Variants in GALR3 observed in about 807,000 individuals in gnomAD.
The protein encoded by GALR3 is galanin receptor 3.
In GALR3, 5 loss-of-function variants were observed where a neutral mutation model predicts 6.9. The ratio of observed to expected loss-of-function variants is 0.72; its 90% CI spans 0.38 to 1.52. The LOEUF is 1.52. Among genes scored for constraint, GALR3 ranks in the 40% most tolerant of loss-of-function variants. The probability of loss-of-function intolerance (pLI) is 0.03; values close to 1 mark genes in which losing one functional copy is unlikely to be tolerated. For synonymous variants in GALR3, 308 were observed against 263.6 expected, an observed-to-expected ratio of 1.17 and a Z score of -1.63; for missense variants, 570 against 545.6, an observed-to-expected ratio of 1.04 and a Z score of -0.44.
chr22:37,823,712 C>G lies in GALR3; in HGVS notation c.306C>G (p.Ile102Met), dbSNP rs959564437. 3.1e-6 allele frequency: 5 copies of G among 1,613,408 alleles called. No homozygotes were observed. In the African/African-American group the frequency reaches 4.0e-5, roughly 13 times the overall value. Residue 102 changes from isoleucine (I) to methionine (M), a missense_variant, in exon 1 of 2, where the codon ATC becomes ATG. Ile to Met is a conservative substitution (Grantham distance 10). Transcript: ENST00000249041. ...TCTGCAAGGCCGTGCACCTGCTCAT[C>G]TACCTCACCATGTACGCCAGCAGCT... Reference protein sequence around the residue: ...ALVCKAVHLLIYLTMYASSFT... With the variant: ...ALVCKAVHLLMYLTMYASSFT...
At position 37,824,758 on chromosome 22, in the gene GALR3, C is replaced by A; in HGVS notation, c.395C>A (p.Ala132Asp). Reference sequence around the variant, plus strand: ...GTGCGGCACCCGCTGCGCTCGCGCGCCCTGCGCACGCCGCGTAACGCCCGC... The same window carrying A: ...GTGCGGCACCCGCTGCGCTCGCGCGACCTGCGCACGCCGCGTAACGCCCGC... Reference protein sequence around the residue: ...LAVRHPLRSRALRTPRNARAA... With the variant: ...LAVRHPLRSRDLRTPRNARAA... The change falls in exon 2 of 2, where the codon GCC (alanine) becomes GAC (aspartate). Residue 132 changes from alanine to aspartate, a missense_variant. Ala to Asp is a moderately radical substitution (Grantham distance 126). Transcript: ENST00000249041. 1 of 1,263,308 alleles carries A rather than the reference C, an allele frequency of 7.9e-7. No homozygotes were observed. The highest frequency in any genetic ancestry group is 9.9e-7 in the Non-Finnish European group (1 of 1,006,852). 78.3% of individuals were successfully genotyped at this position (1,263,308 alleles called of 1,614,324 possible).
Position 37,825,388 on chromosome 22 carries a change from G to T in GALR3, c.1025G>T (p.Arg342Met). 7.2e-7 allele frequency: 1 copy of T among 1,388,618 alleles called. No individual in the cohort carries two copies. Among genetic ancestry groups the T allele is most frequent in the Admixed American group, 2.7e-5 (1 of 36,408 alleles). 86.0% of individuals were successfully genotyped at this position (1,388,618 alleles called of 1,614,324 possible). A position where few individuals can be genotyped will look rare whatever the true frequency, so the allele number is the denominator to read the frequency against. ...CCCGGAGACGCCCGGCCTAGCGGGA[G>T]GCTGCTGGCTGGTGGCGGCCAGGGC... is the stretch of plus-strand genomic sequence containing the variant. Reference protein sequence around the residue: ...GCPGDARPSGRLLAGGGQGPE... With the variant: ...GCPGDARPSGMLLAGGGQGPE... Residue 342 changes from arginine to methionine, a missense_variant, in exon 2 of 2, where the codon AGG becomes ATG. By Grantham distance (91) the Arg-to-Met change is moderately conservative. Coordinates refer to ENST00000249041, the MANE Select transcript of GALR3 (RefSeq NM_003614.2).
chr22:37,825,473 C>A lies in GALR3; in HGVS notation c.*3C>A. 7.5e-7 allele frequency: 1 copy of A among 1,326,278 alleles called. No homozygotes were observed. Among genetic ancestry groups the A allele is most frequent in the South Asian group, 1.9e-5 (1 of 52,416 alleles). 82.2% of individuals were successfully genotyped at this position (1,326,278 alleles called of 1,614,324 possible). ...AGGCTGCCCGAGGACCGGAATAAAC[C>A]CTGCCGCCTGGACTCCGCCTGTGTC... is the stretch of plus-strand genomic sequence containing the variant. On this transcript the variant is annotated 3_prime_UTR_variant, in exon 2 of 2. Coordinates refer to ENST00000249041, the MANE Select transcript of GALR3 (RefSeq NM_003614.2).
rs1411387515 is a variant in GALR3 at position 37,824,801 on chromosome 22, G to A, written c.438G>A (p.Val146=). The A allele has an allele frequency of 7.3e-7, 1 of 1,372,428 alleles. No individual in the cohort carries two copies. The highest frequency in any genetic ancestry group is 9.5e-7 in the Non-Finnish European group (1 of 1,057,968). The allele number at this position is 1,372,428 out of a possible 1,614,324, so 85.0% of individuals were successfully genotyped here. A position where few individuals can be genotyped will look rare whatever the true frequency, so the allele number is the denominator to read the frequency against. Residue 146 remains valine (V), a synonymous_variant, in exon 2 of 2, where the codon GTG becomes GTA. Transcript: ENST00000249041. ...PRNARAAVGL[V]WLLAALFSAP... ...ACGCCCGCGCCGCAGTGGGGCTGGT[G>A]TGGCTGCTGGCGGCGCTCTTCTCGG...
chr22:37,823,533 C>G lies in GALR3; in HGVS notation c.127C>G (p.Leu43Val). 6.2e-7 allele frequency: 1 copy of G among 1,611,412 alleles called. No individual in the cohort carries two copies. Among genetic ancestry groups the G allele is most frequent in the Non-Finnish European group, 8.5e-7 (1 of 1,178,532 alleles). ...CAATGGGCTGGTGCTGGCAGTGCTC[C>G]TGCAGCCTGGCCCGAGTGCCTGGCA... is the stretch of plus-strand genomic sequence containing the variant. ...VGNGLVLAVLLQPGPSAWQEP... is the reference protein window; with the variant it reads ...VGNGLVLAVLVQPGPSAWQEP... The change falls in exon 1 of 2, where the codon CTG becomes GTG. Residue 43 changes from leucine (L) to valine (V), a missense_variant. By Grantham distance (32) the Leu-to-Val change is conservative. Coordinates refer to ENST00000249041, the MANE Select transcript of GALR3 (RefSeq NM_003614.2).
Position 37,825,161 on chromosome 22 carries a change from C to A in GALR3, c.798C>A (p.Ser266Arg). The change falls in exon 2 of 2, where the codon AGC becomes AGA. Residue 266 changes from serine to arginine, a missense_variant. Coordinates refer to ENST00000249041, the MANE Select transcript of GALR3 (RefSeq NM_003614.2). ...LCFWYGRFAF[S>R]PATYACRLAS... ...TCTGGTACGGCCGCTTCGCCTTCAG[C>A]CCGGCCACCTACGCCTGCCGCCTGG... is the stretch of plus-strand genomic sequence containing the variant. The A allele has an allele frequency of 6.7e-7, 1 of 1,487,576 alleles. No homozygotes were observed. Among genetic ancestry groups the A allele is most frequent in the South Asian group, 1.2e-5 (1 of 82,756 alleles). 92.1% of individuals were successfully genotyped at this position (1,487,576 alleles called of 1,614,324 possible). A position where few individuals can be genotyped will look rare whatever the true frequency, so the allele number is the denominator to read the frequency against.
At position 37,823,773 on chromosome 22, in the gene GALR3, G is replaced by GT. The variant is rs1569087575; in HGVS notation, c.359+9dup. On this transcript the variant is annotated intron_variant, in intron 1 of 1. Transcript: ENST00000249041. ...TGCTGTCTCCGTGGACAGGTGCGCT[G>GT]TGCCTGGGGCCTGGCTGGGCAGGGC... 1 of 1,551,896 alleles carries GT rather than the reference G, an allele frequency of 6.4e-7. No homozygotes were observed. The highest frequency in any genetic ancestry group is 1.4e-5 in the African/African-American group (1 of 73,750).
chr22:37,823,449 G>T lies in GALR3; in HGVS notation c.43G>T (p.Val15Leu), dbSNP rs1182651127. The T allele has an allele frequency of 1.2e-6, 2 of 1,610,790 alleles. No homozygotes were observed. Among genetic ancestry groups the T allele is most frequent in the South Asian group, 1.1e-5 (1 of 90,804 alleles). Residue 15 changes from valine to leucine, a missense_variant, in exon 1 of 2, where the codon GTG becomes TTG. By Grantham distance (32) the Val-to-Leu change is conservative. Transcript: ENST00000249041. ...QNISLDSPGS[V>L]GAVAVPVVFA... ...CATTTCACTGGACAGCCCAGGGAGT[G>T]TGGGGGCCGTGGCAGTGCCTGTGGT... is the stretch of plus-strand genomic sequence containing the variant.
In GALR3 at chr22:37,825,242, C is replaced by G; in HGVS notation, c.879C>G (p.Leu293=). The G allele has an allele frequency of 1.4e-6, 2 of 1,445,244 alleles. No individual in the cohort carries two copies. Among genetic ancestry groups the G allele is most frequent in the Non-Finnish European group, 1.8e-6 (2 of 1,091,336 alleles). The allele number at this position is 1,445,244 out of a possible 1,614,324, so 89.5% of individuals were successfully genotyped here. A position where few individuals can be genotyped will look rare whatever the true frequency, so the allele number is the denominator to read the frequency against. Residue 293 remains leucine (L), a synonymous_variant, in exon 2 of 2, where the codon CTC becomes CTG. Coordinates refer to ENST00000249041, the MANE Select transcript of GALR3 (RefSeq NM_003614.2). ...NSCLNPLVYA[L]ASRHFRARFR... is the part of the protein sequence containing the mutation. ...GCCTCAACCCGCTCGTCTACGCGCT[C>G]GCCTCGCGCCACTTCCGCGCGCGCT...
Position 37,823,720 on chromosome 22 carries a change from C to T in GALR3, c.314C>T (p.Thr105Ile), listed in dbSNP as rs780685530. The T allele has an allele frequency of 2.5e-6, 4 of 1,613,050 alleles. No individual in the cohort carries two copies. The highest frequency in any genetic ancestry group is 2.2e-5 in the East Asian group (1 of 44,890). The change falls in exon 1 of 2, where the codon ACC becomes ATC. Residue 105 changes from threonine to isoleucine, a missense_variant. By Grantham distance (89) the Thr-to-Ile change is moderately conservative. Transcript: ENST00000249041. ...CKAVHLLIYLTMYASSFTLAA... is the reference protein window; with the variant it reads ...CKAVHLLIYLIMYASSFTLAA... ...GCCGTGCACCTGCTCATCTACCTCA[C>T]CATGTACGCCAGCAGCTTTACGCTG...
Position 37,824,723 on chromosome 22 carries a change from G to A in GALR3, c.360G>A (p.Arg120=). The change falls in exon 2 of 2, where the codon AGG becomes AGA. Residue 120 remains arginine (R), a splice_region_variant and synonymous_variant. Coordinates refer to ENST00000249041, the MANE Select transcript of GALR3 (RefSeq NM_003614.2). ...SFTLAAVSVD[R]YLAVRHPLRS... is the part of the protein sequence containing the mutation. ...CCCGCTGACCAGGCGCCCTCCGCAG[G>A]TACCTGGCCGTGCGGCACCCGCTGC... 8.2e-7 allele frequency: 1 copy of A among 1,218,458 alleles called. No homozygotes were observed. The highest frequency in any genetic ancestry group is 1.0e-6 in the Non-Finnish European group (1 of 978,994). 75.5% of individuals were successfully genotyped at this position (1,218,458 alleles called of 1,614,324 possible).
rs1286505822 is a variant in GALR3 at position 37,824,906 on chromosome 22, C to T, written c.543C>T (p.Arg181=). The change falls in exon 2 of 2, where the codon CGC becomes CGT. Residue 181 remains arginine, a synonymous_variant. Transcript: ENST00000249041. The part of the protein sequence containing the change: ...LCVPAWEDAR[R]RALDVATFAA... The stretch of plus-strand genomic sequence containing the variant: ...TGCCCGCCTGGGAGGACGCGCGCCG[C>T]CGCGCCCTGGACGTGGCCACCTTCG... 3 of 1,364,880 alleles carry T rather than the reference C, an allele frequency of 2.2e-6. No homozygotes were observed. The highest frequency in any genetic ancestry group is 1.5e-5 in the African/African-American group (1 of 66,996). The allele number at this position is 1,364,880 out of a possible 1,614,324, so 84.5% of individuals were successfully genotyped here.
rs149721998 is a variant in GALR3, at chr22:37,823,623, C to T, written c.217C>T (p.Leu73=). ...GGCGGTGGCTGACCTCTGCTTCATCCTGTGCTGCGTGCCCTTCCAGGCCAC... is the reference window on the plus strand; with the variant it reads ...GGCGGTGGCTGACCTCTGCTTCATCTTGTGCTGCGTGCCCTTCCAGGCCAC... ...NLAVADLCFI[L]CCVPFQATIY... The change falls in exon 1 of 2, where the codon CTG becomes TTG. Residue 73 remains leucine, a synonymous_variant. Coordinates refer to ENST00000249041, the MANE Select transcript of GALR3 (RefSeq NM_003614.2). 35 of 1,613,780 alleles carry T rather than the reference C, an allele frequency of 2.2e-5. No individual in the cohort carries two copies. The African/African-American group carries it at 3.9e-4, about 18-fold the overall frequency.
chr22:37,825,176 C>T lies in GALR3; in HGVS notation c.813C>T (p.Ala271=). 6.7e-7 allele frequency: 1 copy of T among 1,493,086 alleles called. No homozygotes were observed. The highest frequency in any genetic ancestry group is 8.9e-7 in the Non-Finnish European group (1 of 1,117,826). The allele number at this position is 1,493,086 out of a possible 1,614,324, so 92.5% of individuals were successfully genotyped here. A position where few individuals can be genotyped will look rare whatever the true frequency, so the allele number is the denominator to read the frequency against. Residue 271 remains alanine, a synonymous_variant, in exon 2 of 2, where the codon GCC becomes GCT. Coordinates refer to ENST00000249041, the MANE Select transcript of GALR3 (RefSeq NM_003614.2). The part of the protein sequence containing the change: ...GRFAFSPATY[A]CRLASHCLAY... ...TCGCCTTCAGCCCGGCCACCTACGC[C>T]TGCCGCCTGGCCTCACACTGCCTGG...
At position 37,825,105 on chromosome 22, in the gene GALR3, TG is replaced by T; in HGVS notation, c.746del (p.Gly249ValfsTer?). ...GGTGGCCGCGCTCTACGCGCTCTGCTGGGGTCCGCACCACGCGCTCATCCTG... is the reference window on the plus strand; with the variant it reads ...GGTGGCCGCGCTCTACGCGCTCTGCTGGGTCCGCACCACGCGCTCATCCTG... ...LAVAALYALC[W>X]GPHHALILCF... On this transcript the variant is annotated frameshift_variant, in exon 2 of 2. Transcript: ENST00000249041. LOFTEE classifies it low-confidence loss of function (END_TRUNC). The T allele has an allele frequency of 4.4e-6, 6 of 1,367,270 alleles. No homozygotes were observed. The highest frequency in any genetic ancestry group is 4.8e-6 in the Non-Finnish European group (5 of 1,047,068). The allele number at this position is 1,367,270 out of a possible 1,614,324, so 84.7% of individuals were successfully genotyped here.
chr22:37,825,317 C>T lies in GALR3; in HGVS notation c.954C>T (p.Arg318=). 8.0e-7 allele frequency: 1 copy of T among 1,251,572 alleles called. No individual in the cohort carries two copies. Among genetic ancestry groups the T allele is most frequent in the Non-Finnish European group, 1.0e-6 (1 of 1,001,500 alleles). The allele number at this position is 1,251,572 out of a possible 1,614,324, so 77.5% of individuals were successfully genotyped here. A position where few individuals can be genotyped will look rare whatever the true frequency, so the allele number is the denominator to read the frequency against. ...GCCGACGCCGCCACCGTGCCCGCCG[C>T]GCCTTGCGTCGCGTCCGCCCCGCGT... ...CGRRRRHRAR[R]ALRRVRPASS... The change falls in exon 2 of 2, where the codon CGC becomes CGT. Residue 318 remains arginine (R), a synonymous_variant. Coordinates refer to ENST00000249041, the MANE Select transcript of GALR3 (RefSeq NM_003614.2).
Position 37,823,458 on chromosome 22 carries a change from G to T in GALR3, c.52G>T (p.Val18Leu), listed in dbSNP as rs200165050. Residue 18 changes from valine (V) to leucine (L), a missense_variant, in exon 1 of 2, where the codon GTG (valine) becomes TTG (leucine). Physicochemically the swap from Val to Leu is conservative, Grantham distance 32. Coordinates refer to ENST00000249041, the MANE Select transcript of GALR3 (RefSeq NM_003614.2). ...GGACAGCCCAGGGAGTGTGGGGGCC[G>T]TGGCAGTGCCTGTGGTCTTTGCCCT... ...SLDSPGSVGA[V>L]AVPVVFALIF... The T allele has an allele frequency of 6.2e-7, 1 of 1,612,024 alleles. No individual in the cohort carries two copies. The highest frequency in any genetic ancestry group is 2.2e-5 in the East Asian group (1 of 44,812).
chr22:37,824,912 C>A lies in GALR3; in HGVS notation c.549C>A (p.Ala183=), dbSNP rs761648967. 10 of 1,356,446 alleles carry A rather than the reference C, an allele frequency of 7.4e-6. 1 individual carries two copies. The South Asian group carries it at 1.6e-4, about 22-fold the overall frequency. The allele number at this position is 1,356,446 out of a possible 1,614,324, so 84.0% of individuals were successfully genotyped here. ...CCTGGGAGGACGCGCGCCGCCGCGC[C>A]CTGGACGTGGCCACCTTCGCTGCCG... ...VPAWEDARRR[A]LDVATFAAGY... The change falls in exon 2 of 2, where the codon GCC becomes GCA. Residue 183 remains alanine (A), a synonymous_variant. Coordinates refer to ENST00000249041, the MANE Select transcript of GALR3 (RefSeq NM_003614.2).
rs1375653311 is a variant in GALR3 at position 37,825,063 on chromosome 22, G to C, written c.700G>C (p.Gly234Arg). ...EARRRATGRA[G>R]RAMLAVAALY... The stretch of plus-strand genomic sequence containing the variant: ...GCGGCGGAGGGCGACGGGCCGCGCG[G>C]GGCGCGCCATGCTGGCGGTGGCCGC... Residue 234 changes from glycine to arginine, a missense_variant, in exon 2 of 2, where the codon GGG becomes CGG. Gly to Arg is a moderately radical substitution (Grantham distance 125). Transcript: ENST00000249041. 11 of 1,139,046 alleles carry C rather than the reference G, an allele frequency of 9.7e-6. No individual in the cohort carries two copies. The East Asian group carries it at 4.7e-4, about 49-fold the overall frequency. The allele number at this position is 1,139,046 out of a possible 1,614,324, so 70.6% of individuals were successfully genotyped here.
Sources: gnomAD v4.1 joint callset for allele counts on GRCh38, gnomAD v4.1.1 for gene constraint, MANE v1.5 for transcripts, NCBI Gene and HGNC (gene_info 2026-07-23, HGNC 2026-07-21) for gene names.